Variants in CNTNAP5 observed in about 807,000 individuals in gnomAD.
The protein encoded by CNTNAP5 is contactin-associated protein-like 5.
CNTNAP5 carries 72 observed loss-of-function variants against 150.2 expected under a neutral mutation model. The observed-to-expected ratio is 0.48, with a 90% CI of 0.40 to 0.58. The LOEUF (loss-of-function observed/expected upper bound fraction) is 0.58. Among genes scored for constraint, CNTNAP5 ranks in the 20% least tolerant of loss-of-function variants. The pLI, the probability that CNTNAP5 is intolerant of heterozygous loss-of-function variation, is 0.00. For missense variants in CNTNAP5, 1,636 were observed against 1,626.2 expected, an observed-to-expected ratio of 1.01 and a Z score of -0.10; for synonymous variants, 672 against 619.8, an observed-to-expected ratio of 1.08 and a Z score of -1.25.
chr2:124,615,427 C>T (rs1677475152), intron 12 of CNTNAP5, among the ~76,000 whole-genome samples: 1 of 152,150 alleles, frequency 6.6e-6, no homozygotes, highest in South Asian at 2.1e-4. Flanking sequence ...CAAGAAGCCA[C>T]TTTATTTGTT....
chr2:124,863,581 T>A (rs373929239), intron 19 of CNTNAP5, among the ~76,000 whole-genome samples: 114 of 152,340 alleles, frequency 7.5e-4, no homozygotes, highest in African/African-American at 2.6e-3. Context: ...AGCTCCAAAC[T>A]ACATTTTTCT....
At chr2:124,593,906 A>C (rs1214829315) in intron 11 of CNTNAP5, among the ~76,000 whole-genome samples, 1 of 81,586 alleles carries the variant, frequency 1.2e-5, no homozygotes, top group Non-Finnish European at 2.4e-5. Flanking sequence ...GCATTTTTTC[A>C]TGTGTTTTTT....
intron 19 of CNTNAP5, among the ~76,000 whole-genome samples, chr2:124,845,805 T>A (rs1244212560): frequency 6.6e-6 from 1 of 152,170 alleles, no homozygotes; most frequent in Non-Finnish European, 1.5e-5. Context: ...TAATAATCTT[T>A]TGTATTTTTG....
At chr2:124,295,709 T>A (rs1318854476) in intron 3 of CNTNAP5, among the ~76,000 whole-genome samples, 2 of 90,408 alleles carry the variant, frequency 2.2e-5, no homozygotes, top group African/African-American at 8.6e-5. Flanking sequence ...ACCTGCTGTT[T>A]GCCTATTTTA....
intron 19 of CNTNAP5, among the ~76,000 whole-genome samples, chr2:124,849,876 C>G (rs1034023444): frequency 1.3e-5 from 2 of 152,074 alleles, no homozygotes; most frequent in African/African-American, 4.8e-5. Flanking sequence ...AAATAATTTT[C>G]ATTAAATGTT....
At chr2:124,859,196 T>C (rs1445882079) in intron 19 of CNTNAP5, among the ~76,000 whole-genome samples, 1 of 151,786 alleles carries the variant, frequency 6.6e-6, no homozygotes, top group Non-Finnish European at 1.5e-5. Context: ...TACAATGAAC[T>C]CAAACAAATT....
chr2:124,088,687 G>T (rs888107434), intron 1 of CNTNAP5, among the ~76,000 whole-genome samples: 2 of 151,968 alleles, frequency 1.3e-5, no homozygotes, highest in African/African-American at 2.4e-5. Context: ...GTACCTGACT[G>T]GTGGGTTCCT....
chr2:124,524,827 G>A (rs1694928805), intron 9 of CNTNAP5, among the ~76,000 whole-genome samples: 2 of 152,166 alleles, frequency 1.3e-5, no homozygotes, highest in African/African-American at 4.8e-5. Flanking sequence ...ACCTGCAAGA[G>A]GCAAAATTCA....
At chr2:124,309,685 G>T (rs527794668) in intron 3 of CNTNAP5, among the ~76,000 whole-genome samples, 19 of 152,284 alleles carry the variant, frequency 1.2e-4, no homozygotes, top group African/African-American at 4.1e-4. Context: ...GGGGCCTTTA[G>T]CCAGAGCGGT....
At chr2:124,405,494 C>CT (rs1340593965) in intron 3 of CNTNAP5, among the ~76,000 whole-genome samples, 1 of 152,184 alleles carries the variant, frequency 6.6e-6, no homozygotes, top group African/African-American at 2.4e-5. Flanking sequence ...AAAAGGGTCA[C>CT]TAGACTCTCA....
chr2:124,674,505 C>CTT (rs764616324), intron 13 of CNTNAP5, among the ~76,000 whole-genome samples: 22,506 of 105,216 alleles, frequency 0.21, 2,692 homozygotes, highest in Non-Finnish European at 0.27. Context: ...TCCTTTCTTT[C>CTT]TTTCTCTTTC....
chr2:124,298,088 C>G (rs531294726), intron 3 of CNTNAP5, among the ~76,000 whole-genome samples: 137 of 152,088 alleles, frequency 9.0e-4, no homozygotes, highest in African/African-American at 3.1e-3. Context: ...TGTGATCTGC[C>G]CATCTCAGCC....
intron 1 of CNTNAP5, among the ~76,000 whole-genome samples, chr2:124,136,421 G>A (rs1362595283): frequency 6.6e-6 from 1 of 152,148 alleles, no homozygotes; most frequent in Non-Finnish European, 1.5e-5. Flanking sequence ...AACACACTTT[G>A]TATACTTTAC....
At chr2:124,526,918 A>G (rs1189559733) in intron 9 of CNTNAP5, among the ~76,000 whole-genome samples, 1 of 152,200 alleles carries the variant, frequency 6.6e-6, no homozygotes, top group African/African-American at 2.4e-5. Flanking sequence ...TATGTGTTTC[A>G]AGACAGAACC....
chr2:124,413,578 G>C (rs568090414), intron 3 of CNTNAP5, among the ~76,000 whole-genome samples: 4 of 133,234 alleles, frequency 3.0e-5, no homozygotes, highest in African/African-American at 1.2e-4. Context: ...CATGTCCTTT[G>C]TAGGGACATG....
intron 5 of CNTNAP5, among the ~76,000 whole-genome samples, chr2:124,443,695 A>C (rs1210434230): frequency 2.6e-5 from 4 of 151,986 alleles, no homozygotes; most frequent in Non-Finnish European, 5.9e-5. Context: ...AGGGTGATTA[A>C]AATATTTTAT....
rs1285360629 is a variant in CNTNAP5 at position 124,434,506 on chromosome 2, T to G, written c.552T>G (p.Asp184Glu). The change falls in exon 5 of 24, where the codon GAT becomes GAG. Residue 184 changes from aspartate to glutamate, a missense_variant. Asp to Glu is a conservative substitution (Grantham distance 45). Transcript: ENST00000682447. Reference protein sequence around the residue: ...CSYKSDVADFDGRSSLLYRFN... With the variant: ...CSYKSDVADFEGRSSLLYRFN... The stretch of plus-strand genomic sequence containing the variant: ...CAGAATCAGATGTTGCTGACTTTGA[T>G]GGCCGAAGCTCACTTCTGTACAGGT... The G allele has an allele frequency of 3.7e-6, 6 of 1,613,786 alleles. No homozygotes were observed. In the East Asian group the frequency reaches 1.1e-4, roughly 30 times the overall value.
chr2:124,599,132 C>A (rs1449197511), intron 11 of CNTNAP5, among the ~76,000 whole-genome samples: 1 of 152,180 alleles, frequency 6.6e-6, no homozygotes, highest in African/African-American at 2.4e-5. Context: ...GAGCTGTAGA[C>A]CGGAGCTGTT....
chr2:124,663,723 A>G (rs1392194666), intron 13 of CNTNAP5, among the ~76,000 whole-genome samples: 1 of 152,148 alleles, frequency 6.6e-6, no homozygotes, highest in African/African-American at 2.4e-5. Context: ...TGGAGACATG[A>G]TCTTAGGTAC....
Sources: allele counts gnomAD v4.1 joint callset (sites outside exome capture counted in the v4.1 genomes callset), GRCh38; gene constraint gnomAD v4.1.1; transcripts MANE v1.5; gene names NCBI Gene and HGNC (gene_info 2026-07-23, HGNC 2026-07-21).